SPICE1: variants seen among roughly 807,000 people sequenced by gnomAD.
SPICE1 encodes spindle and centriole-associated protein 1.
In SPICE1, 75 loss-of-function variants were observed where a neutral mutation model predicts 102.7. The ratio of observed to expected loss-of-function variants is 0.73; its 90% CI spans 0.61 to 0.88. SPICE1 has a LOEUF of 0.88. Among genes scored for constraint, SPICE1 ranks in the 40% least tolerant of loss-of-function variants. The pLI is 0.00. For missense variants in SPICE1, 979 were observed against 1,020.1 expected (o/e 0.96, Z 0.55); for synonymous variants, 308 against 350.3 (o/e 0.88, Z 1.35).
chr3:113,503,930 C>CAAAAAAAAAAAAAAAAAAAAAA (rs1559977007), intron 2 of SPICE1, among the ~76,000 whole-genome samples: 1 of 73,366 alleles, frequency 1.4e-5, no homozygotes. Context: ...GAGTTTCTAT[C>CAAAAAAAAAAAAAAAAAAAAAA]TAAAAAAAAA....
At position 113,488,939 on chromosome 3, in the gene SPICE1, A is replaced by C. The variant is rs771089454; in HGVS notation, c.611+6T>G. 2.0e-5 allele frequency: 31 copies of C among 1,557,090 alleles called. No homozygotes were observed. In the South Asian group the frequency reaches 3.4e-4, roughly 17 times the overall value. On this transcript the variant is annotated splice_donor_region_variant and intron_variant, in intron 7 of 17. Coordinates refer to ENST00000295872, the MANE Select transcript of SPICE1 (RefSeq NM_144718.4). Reference sequence around the variant, plus strand: ...AGTTGTAAATATTTATGCCATATACACATACCTGTCTGTATTCGTGTTAGA... The same window carrying C: ...AGTTGTAAATATTTATGCCATATACCCATACCTGTCTGTATTCGTGTTAGA...
intron 11 of SPICE1, among the ~76,000 whole-genome samples, chr3:113,462,185 C>T (rs552386033): frequency 6.6e-6 from 1 of 152,336 alleles, no homozygotes; most frequent in Admixed American, 6.5e-5. Context: ...CCACCCTAGA[C>T]CAAGCTGCCA....
In SPICE1 at chr3:113,493,293, C is replaced by T. The variant is rs1204840537; in HGVS notation, c.405G>A (p.Val135=). Residue 135 remains valine (V), a synonymous_variant, in exon 6 of 18, where the codon GTG becomes GTA. Transcript: ENST00000295872. ...TGGGACCCTGAGAGGAATCAGGAGCCACTGTTACATTTGGAAACCCTGCAA... is the reference window on the plus strand; with the variant it reads ...TGGGACCCTGAGAGGAATCAGGAGCTACTGTTACATTTGGAAACCCTGCAA... ...RRRTGFPNVT[V]APDSSQGPIV... The T allele has an allele frequency of 3.7e-6, 6 of 1,613,672 alleles. No homozygotes were observed. The African/African-American group carries it at 8.0e-5, about 22-fold the overall frequency.
intron 3 of SPICE1, among the ~76,000 whole-genome samples, chr3:113,502,360 T>C (rs1937024770): frequency 6.6e-6 from 1 of 152,024 alleles, no homozygotes; most frequent in African/African-American, 2.4e-5. Context: ...ACCTTGAAAA[T>C]ATTATGCTAA....
In SPICE1 at chr3:113,485,172, G is replaced by GTTT. The variant is rs1346426484; in HGVS notation, c.611+3770_611+3772dup. Among the ~76,000 whole-genome samples, 132 of 147,290 alleles carry GTTT rather than the reference G, an allele frequency of 9.0e-4. 1 individual carries two copies. The highest frequency in any genetic ancestry group is 2.4e-3 in the East Asian group (12 of 4,984). On this transcript the variant is annotated intron_variant, in intron 7 of 17. Coordinates refer to ENST00000295872, the MANE Select transcript of SPICE1 (RefSeq NM_144718.4). ...ACACCAAACTAGCTGCAGGAGTTTT[G>GTTT]TTTGTTTTTTTTTTTTTTTCCATAC...
intron 12 of SPICE1, among the ~76,000 whole-genome samples, chr3:113,458,378 G>A (rs1280541938): frequency 6.6e-6 from 1 of 152,188 alleles, no homozygotes; most frequent in African/African-American, 2.4e-5. Context: ...ACACCTGACT[G>A]GTTTTCGTAT....
chr3:113,501,038 A>G (rs2107502245), intron 3 of SPICE1, among the ~76,000 whole-genome samples: 1 of 152,302 alleles, frequency 6.6e-6, no homozygotes, highest in Admixed American at 6.5e-5. Context: ...AATCAAGACA[A>G]TGTGGTACTG....
Position 113,486,358 on chromosome 3 carries a change from G to A in SPICE1, c.611+2587C>T, listed in dbSNP as rs891442655. Among the ~76,000 whole-genome samples, 61 of 150,018 alleles carry A rather than the reference G, an allele frequency of 4.1e-4. 2 individuals are homozygous for A. The highest frequency in any genetic ancestry group is 4.6e-4 in the Non-Finnish European group (31 of 67,566). ...ACAAGAAATAACTAAGATCAAAGCAGAACTGAAGGGGATAGAGACATGAAA... is the reference window on the plus strand; with the variant it reads ...ACAAGAAATAACTAAGATCAAAGCAAAACTGAAGGGGATAGAGACATGAAA... On this transcript the variant is annotated intron_variant, in intron 7 of 17. Transcript: ENST00000295872.
intron 7 of SPICE1, among the ~76,000 whole-genome samples, chr3:113,481,082 G>A (rs1338232792): frequency 6.6e-6 from 1 of 152,074 alleles, no homozygotes; most frequent in African/African-American, 2.4e-5. Flanking sequence ...AAACCAATTA[G>A]AGGTGAAAGA....
chr3:113,472,158 C>T (rs748263089), intron 7 of SPICE1, among the ~76,000 whole-genome samples: 7 of 152,362 alleles, frequency 4.6e-5, no homozygotes, highest in Admixed American at 6.5e-5. Flanking sequence ...GAGGGTCTTA[C>T]GCCCACAGAG....
At chr3:113,496,118 A>C (rs1016629965) in intron 4 of SPICE1, among the ~76,000 whole-genome samples, 2 of 53,712 alleles carry the variant, frequency 3.7e-5, no homozygotes, top group East Asian at 1.1e-3. Flanking sequence ...AGTTTATTTT[A>C]TGTGTGGCCC....
At position 113,453,524 on chromosome 3, in the gene SPICE1, T is replaced by C; in HGVS notation, c.2084A>G (p.Glu695Gly). The change falls in exon 14 of 18, where the codon GAG (glutamate) becomes GGG (glycine). Residue 695 changes from glutamate (E) to glycine (G), a missense_variant. Coordinates refer to ENST00000295872, the MANE Select transcript of SPICE1 (RefSeq NM_144718.4). ...CAACTCCCGGAGTCCATCCCCTTGC[T>C]CTCCTCTGGGCTCAATAATATTATT... is the stretch of plus-strand genomic sequence containing the variant. ...HMNNIIEPRG[E>G]QGDGLRELNK... 6.2e-7 allele frequency: 1 copy of C among 1,614,062 alleles called. No individual in the cohort carries two copies. The highest frequency in any genetic ancestry group is 8.5e-7 in the Non-Finnish European group (1 of 1,179,942).
intron 14 of SPICE1, among the ~76,000 whole-genome samples, chr3:113,452,730 A>G (rs528747695): frequency 2.0e-5 from 3 of 152,308 alleles, no homozygotes; most frequent in African/African-American, 7.2e-5. Flanking sequence ...CTGTAATTCC[A>G]GCACTTTGGG....
chr3:113,476,858 T>G (rs894898317), intron 7 of SPICE1, among the ~76,000 whole-genome samples: 29 of 151,444 alleles, frequency 1.9e-4, no homozygotes, highest in Non-Finnish European at 4.0e-4. Context: ...GCATTACCAT[T>G]CAGGACATAG....
rs1449509587 is a variant in SPICE1, at chr3:113,446,645, G to A, written c.2458C>T (p.Pro820Ser). 1.2e-6 allele frequency: 2 copies of A among 1,613,688 alleles called. No homozygotes were observed. The highest frequency in any genetic ancestry group is 1.7e-6 in the Non-Finnish European group (2 of 1,179,786). Residue 820 changes from proline (P) to serine (S), a missense_variant, in exon 17 of 18, where the codon CCA (proline) becomes TCA (serine). Pro to Ser is a moderately conservative substitution (Grantham distance 74). Transcript: ENST00000295872. ...SSGATGNSCSPLNATSGSGRF... is the reference protein window; with the variant it reads ...SSGATGNSCSSLNATSGSGRF... ...CCACTTCCTGAGGTGGCATTTAGTG[G>A]AGAACAAGAATTACCAGTAGCCCCG...
At chr3:113,481,016 C>T (rs1035587081) in intron 7 of SPICE1, among the ~76,000 whole-genome samples, 4 of 142,594 alleles carry the variant, frequency 2.8e-5, no homozygotes, top group South Asian at 2.3e-4. Flanking sequence ...GGCAAGGATC[C>T]CCACTATCTC....
chr3:113,478,459 T>A (rs1339546479), intron 7 of SPICE1, among the ~76,000 whole-genome samples: 1 of 152,072 alleles, frequency 6.6e-6, no homozygotes, highest in Non-Finnish European at 1.5e-5. Flanking sequence ...AGAAATGAAG[T>A]CAAAAGGTAT....
intron 7 of SPICE1, among the ~76,000 whole-genome samples, chr3:113,473,044 T>A (rs985766265): frequency 2.0e-5 from 3 of 151,760 alleles, no homozygotes; most frequent in African/African-American, 7.3e-5. Context: ...TTGAAAAAAA[T>A]TTAGATGAAT....
chr3:113,449,201 A>G (rs932532154), intron 15 of SPICE1: 4 of 152,216 alleles, frequency 2.6e-5, no homozygotes, highest in Non-Finnish European at 5.9e-5. Context: ...TCTTCCTTGC[A>G]CTTAGCACTA....
Sources: allele counts gnomAD v4.1 joint callset (sites outside exome capture counted in the v4.1 genomes callset), GRCh38; gene constraint gnomAD v4.1.1; transcripts MANE v1.5; gene names NCBI Gene and HGNC (gene_info 2026-07-23, HGNC 2026-07-21).